The following PDGFA variants were observed in gnomAD, a reference collection of about 807,000 sequenced individuals.
PDGFA encodes platelet-derived growth factor subunit A.
A neutral mutation model predicts 25.6 loss-of-function variants in PDGFA; 9 were observed. The observed-to-expected ratio is 0.35, with a 90% CI of 0.21 to 0.61. The LOEUF is 0.61. Among genes scored for constraint, PDGFA ranks in the 20% least tolerant of loss-of-function variants. The probability of loss-of-function intolerance (pLI) is 0.75; values close to 1 mark genes in which losing one functional copy is unlikely to be tolerated. For synonymous variants in PDGFA, 133 were observed against 111.8 expected, an observed-to-expected ratio of 1.19 and a Z score of -1.20; for missense variants, 242 against 272.8, an observed-to-expected ratio of 0.89 and a Z score of 0.79.
Position 502,835 on chromosome 7 carries a change from G to A in PDGFA, c.454-1593C>T, listed in dbSNP as rs537416410. ...ATAATGCACATATAGGCCCTGTCAC[G>A]GGAACACAACTCCACCCCACACACA... On this transcript the variant is annotated intron_variant, in intron 4 of 5. Transcript: ENST00000402802. Among the ~76,000 whole-genome samples the A allele has an allele frequency of 4.0e-5, 6 of 148,948 alleles. No homozygotes were observed. The South Asian group carries it at 6.4e-4, about 16-fold the overall frequency.
intron 4 of PDGFA, among the ~76,000 whole-genome samples, chr7:505,753 C>A (rs1174221000): frequency 6.6e-6 from 1 of 152,202 alleles, no homozygotes; most frequent in African/African-American, 2.4e-5. Flanking sequence ...AGCCTGCACT[C>A]CTTCTCACCT....
upstream of PDGFA, chr7:519,990 G>T: frequency 5.6e-6 from 2 of 358,928 alleles, no homozygotes; most frequent in South Asian, 3.7e-5. Flanking sequence ...GTGCGGACCC[G>T]GCAGGGCCCG....
intron 2 of PDGFA, among the ~76,000 whole-genome samples, chr7:516,585 G>A (rs556190184): frequency 5.8e-4 from 88 of 152,338 alleles, no homozygotes; most frequent in African/African-American, 2.1e-3. Context: ...ACGCCTGGAA[G>A]AGAGACCTCG....
intron 5 of PDGFA, among the ~76,000 whole-genome samples, chr7:499,115 G>C (rs1046066881): frequency 1.3e-5 from 2 of 152,216 alleles, no homozygotes; most frequent in African/African-American, 4.8e-5. Flanking sequence ...AGCCAGGCAT[G>C]GGACAACAGG....
At chr7:518,951 A>C in exon 1 of PDGFA, 1 of 1,535,166 alleles carries the variant, frequency 6.5e-7, no homozygotes, top group Non-Finnish European at 8.7e-7. Context: ...CGGCCAGAAC[A>C]TGGGCGAGGT....
intron 4 of PDGFA, among the ~76,000 whole-genome samples, chr7:510,182 G>C (rs1782736903): frequency 6.6e-6 from 1 of 152,168 alleles, no homozygotes; most frequent in Admixed American, 6.5e-5. Context: ...CTGTGGTCTA[G>C]GGCGTGGAAA....
rs955974895 is a variant in PDGFA at position 500,007 on chromosome 7, T to C, written c.580+1109A>G. ...AACAGCCCTGCACGTTTATAAAGGA[T>C]TTCCAGATATATTCAGCCTCCAACA... On this transcript the variant is annotated intron_variant, in intron 5 of 5. Transcript: ENST00000402802. The surrounding 1 kb of genome is among the most constrained non-coding windows in gnomAD (Gnocchi z 5.0). Among the ~76,000 whole-genome samples, 13 of 152,126 alleles carry C rather than the reference T, an allele frequency of 8.5e-5. No homozygotes were observed. The highest frequency in any genetic ancestry group is 3.1e-4 in the African/African-American group (13 of 41,400).
At chr7:514,796 C>T (rs1046468822) in intron 2 of PDGFA, among the ~76,000 whole-genome samples, 2 of 152,228 alleles carry the variant, frequency 1.3e-5, no homozygotes, top group Non-Finnish European at 2.9e-5. Flanking sequence ...GCCCTAAACG[C>T]GGGCTGCCGG....
At chr7:510,169 G>C (rs183089718) in intron 4 of PDGFA, among the ~76,000 whole-genome samples, 7 of 152,150 alleles carry the variant, frequency 4.6e-5, no homozygotes, top group Non-Finnish European at 8.8e-5. Context: ...AACGGCCCCC[G>C]CACTGTGGTC....
At chr7:512,099 C>A (rs62433340) in intron 3 of PDGFA, among the ~76,000 whole-genome samples, 1 of 152,206 alleles carries the variant, frequency 6.6e-6, no homozygotes, top group Non-Finnish European at 1.5e-5. Context: ...TTGGCCCAGA[C>A]CAGGACTCCA....
intron 5 of PDGFA, among the ~76,000 whole-genome samples, chr7:499,731 C>CCCCCCG (rs1192848580): frequency 1.1e-5 from 1 of 94,550 alleles, no homozygotes; most frequent in Non-Finnish European, 2.4e-5. Context: ...CCCCCCCCCC[C>CCCCCCG]CCGCTCACTC....
At chr7:506,010 C>G (rs1365640540) in intron 4 of PDGFA, among the ~76,000 whole-genome samples, 1 of 151,972 alleles carries the variant, frequency 6.6e-6, no homozygotes, top group Non-Finnish European at 1.5e-5. Flanking sequence ...CTCATCTCTA[C>G]TAAAAAAATA....
intron 5 of PDGFA, among the ~76,000 whole-genome samples, chr7:498,984 G>A (rs999440270): frequency 2.0e-5 from 3 of 152,248 alleles, no homozygotes; most frequent in African/African-American, 4.8e-5. Context: ...CAGCCAGACA[G>A]AAGAGTCTGC....
chr7:509,384 C>T (rs930729977), intron 4 of PDGFA, among the ~76,000 whole-genome samples: 2 of 152,170 alleles, frequency 1.3e-5, no homozygotes, highest in African/African-American at 4.8e-5. Context: ...CTCAACCTCC[C>T]GACTCAAGGG....
chr7:498,548 G>A (rs754591397), exon 6 of PDGFA: 2 of 1,608,272 alleles, frequency 1.2e-6, no homozygotes, highest in Non-Finnish European at 8.5e-7. Flanking sequence ...TCCCAGGAAA[G>A]GGCTGCGGCT....
chr7:518,681 C>T (rs1020709602), intron 1 of PDGFA, among the ~76,000 whole-genome samples: 2 of 152,136 alleles, frequency 1.3e-5, no homozygotes, highest in African/African-American at 2.4e-5. Flanking sequence ...GAGGACACTG[C>T]GCCCCCCGAA....
rs1408526283 is a variant in PDGFA at position 500,250 on chromosome 7, G to A, written c.580+866C>T. Among the ~76,000 whole-genome samples the A allele has an allele frequency of 1.3e-5, 2 of 152,212 alleles. No homozygotes were observed. Among genetic ancestry groups the A allele is most frequent in the Non-Finnish European group, 2.9e-5 (2 of 68,040 alleles). ...GCGGGAGTGAGCCACGGGCCAGGGCGTTCTGCGAGGCAGGAGCGGACGGGG... is the reference window on the plus strand; with the variant it reads ...GCGGGAGTGAGCCACGGGCCAGGGCATTCTGCGAGGCAGGAGCGGACGGGG... On this transcript the variant is annotated intron_variant, in intron 5 of 5. Transcript: ENST00000402802. This position sits in a 1 kb window ranked among gnomAD's most constrained non-coding sequence, Gnocchi z 5.0.
upstream of PDGFA, among the ~76,000 whole-genome samples, chr7:519,651 G>C (rs1359967238): frequency 6.9e-6 from 1 of 144,998 alleles, no homozygotes; most frequent in East Asian, 2.0e-4. Flanking sequence ...CGCCGGGGCC[G>C]GGCAGCGCCC....
rs112280384 is a variant in PDGFA, at chr7:500,757, G to A, written c.580+359C>T. 9.2e-5 allele frequency: 133 copies of A among 1,439,538 alleles called. 1 individual carries two copies. In the East Asian group the frequency reaches 2.3e-3, roughly 25 times the overall value. The allele number at this position is 1,439,538 out of a possible 1,614,324, so 89.2% of individuals were successfully genotyped here. ...GCCAGCCAGGGCAACTGCAGTCCTC[G>A]AACCTGCTCCTCCCGCCCACCCTGG... is the stretch of plus-strand genomic sequence containing the variant. On this transcript the variant is annotated intron_variant, in intron 5 of 5. Transcript: ENST00000402802. This position sits in a 1 kb window ranked among gnomAD's most constrained non-coding sequence, Gnocchi z 5.0.
Sources: gnomAD v4.1 joint callset for allele counts (sites outside exome capture counted in the v4.1 genomes callset) on GRCh38, gnomAD v4.1.1 for gene constraint, Gnocchi (gnomAD v3.1) non-coding constraint, MANE v1.5 for transcripts, NCBI Gene and HGNC (gene_info 2026-07-23, HGNC 2026-07-21) for gene names.